The following COPS7B variants were observed in gnomAD, a reference collection of about 807,000 sequenced individuals.
The protein encoded by COPS7B is COP9 signalosome complex subunit 7b.
Under a neutral mutation model 33.4 loss-of-function variants are expected in COPS7B, and 9 were observed. The ratio of observed to expected loss-of-function variants is 0.27; its 90% CI spans 0.16 to 0.47. COPS7B has a LOEUF of 0.47. COPS7B is among the 20% of genes least tolerant of loss of function. The pLI is 0.99. For missense variants in COPS7B, 242 were observed against 318.2 expected (o/e 0.76, Z 1.82); for synonymous variants, 119 against 126.3 (o/e 0.94, Z 0.39).
At chr2:231,784,944 C>T (rs2014807), upstream of COPS7B, among the ~76,000 whole-genome samples, 1,363 of 152,314 alleles carry the variant, frequency 8.9e-3, 33 homozygotes, top group East Asian at 0.075. Flanking sequence ...TCCAGAGTAG[C>T]TGAGATTAGT....
chr2:231,782,940 G>A (rs2049163565), upstream of COPS7B, among the ~76,000 whole-genome samples: 2 of 152,144 alleles, frequency 1.3e-5, no homozygotes, highest in South Asian at 4.1e-4. Context: ...AGCACACTTA[G>A]TGCTCCCTCC....
At chr2:231,788,092 C>T (rs1261792361) in intron 1 of COPS7B, among the ~76,000 whole-genome samples, 1 of 151,910 alleles carries the variant, frequency 6.6e-6, no homozygotes, top group Non-Finnish European at 1.5e-5. Flanking sequence ...AGGTTGAACT[C>T]CACCCATCTC....
chr2:231,786,466 C>T lies in COPS7B; in HGVS notation c.-89C>T, dbSNP rs1212624125. 1.6e-5 allele frequency: 16 copies of T among 985,890 alleles called. No homozygotes were observed. The highest frequency in any genetic ancestry group is 1.8e-5 in the Non-Finnish European group (15 of 830,108). 61.1% of individuals were successfully genotyped at this position (985,890 alleles called of 1,614,324 possible). On this transcript the variant is annotated 5_prime_UTR_variant, in exon 1 of 7. In the 5' UTR this introduces an upstream ATG that the reference lacks. Coordinates refer to ENST00000350033, the MANE Select transcript of COPS7B (RefSeq NM_022730.4). ...CGCCGGACGCCGGGGTGATCATGGA[C>T]GCTTGACAACCTGCGGGCAGGCGCC...
At chr2:231,791,696 A>G in intron 2 of COPS7B, 37 bp from the exon 3 acceptor site, 1 of 1,570,368 alleles carries the variant, frequency 6.4e-7, no homozygotes, top group South Asian at 1.1e-5. Flanking sequence ...ATTGGTAGAC[A>G]GTTTGGTCTG....
intron 6 of COPS7B, among the ~76,000 whole-genome samples, chr2:231,803,673 A>G (rs2049811410): frequency 6.6e-6 from 1 of 152,170 alleles, no homozygotes; most frequent in Non-Finnish European, 1.5e-5. Context: ...TTGAGTCACC[A>G]TGAGAGAGGG....
Position 231,807,898 on chromosome 2 carries a change from A to G in COPS7B, c.*253A>G. ...CCCAAAACAGGGTCAGACACTGCCC[A>G]GCTTCCCTCCAGGAGGTTCTTGTCT... On this transcript the variant is annotated 3_prime_UTR_variant, in exon 7 of 7. Coordinates refer to ENST00000350033, the MANE Select transcript of COPS7B (RefSeq NM_022730.4). 1 of 403,008 alleles carries G rather than the reference A, an allele frequency of 2.5e-6. No homozygotes were observed. Among genetic ancestry groups the G allele is most frequent in the Non-Finnish European group, 4.5e-6 (1 of 224,450 alleles). 25.0% of individuals were successfully genotyped at this position (403,008 alleles called of 1,614,324 possible).
intron 2 of COPS7B, among the ~76,000 whole-genome samples, chr2:231,791,432 T>G (rs745963944): frequency 2.0e-5 from 3 of 152,238 alleles, no homozygotes; most frequent in Admixed American, 6.5e-5. Context: ...TTGAGAAGAT[T>G]TGAACTCCTT....
At position 231,807,547 on chromosome 2, in the gene COPS7B, C is replaced by T; in HGVS notation, c.697C>T (p.Gln233Ter). 6.2e-7 allele frequency: 1 copy of T among 1,613,334 alleles called. No individual in the cohort carries two copies. The highest frequency in any genetic ancestry group is 8.5e-7 in the Non-Finnish European group (1 of 1,179,710). The change falls in exon 7 of 7, where the codon CAG becomes TAG. Residue 233 changes from glutamine to a stop codon, truncating the protein, a stop_gained. Coordinates refer to ENST00000350033, the MANE Select transcript of COPS7B (RefSeq NM_022730.4). LOFTEE classifies it high-confidence loss of function. ...ATCCTCCTCGGCTCAGGAGATGGAGCAGCAGCTGGCTGAACGGGAGTGTCC... is the reference window on the plus strand; with the variant it reads ...ATCCTCCTCGGCTCAGGAGATGGAGTAGCAGCTGGCTGAACGGGAGTGTCC... ...TASSSAQEME[Q>*]QLAERECPPH...
chr2:231,800,141 A>G (rs190063824), intron 6 of COPS7B, among the ~76,000 whole-genome samples: 19 of 152,348 alleles, frequency 1.2e-4, no homozygotes, highest in Admixed American at 9.8e-4. Context: ...TAGCCAAGGA[A>G]GTATGAGGCT....
chr2:231,789,319 T>C (rs995419319), intron 2 of COPS7B, among the ~76,000 whole-genome samples: 33 of 152,348 alleles, frequency 2.2e-4, no homozygotes, highest in African/African-American at 7.2e-4. Flanking sequence ...GAAGATCCAT[T>C]GAACAGAAGG....
chr2:231,798,070 A>G (rs2049625924), intron 5 of COPS7B, among the ~76,000 whole-genome samples: 1 of 150,948 alleles, frequency 6.6e-6, no homozygotes, highest in Non-Finnish European at 1.5e-5. Context: ...TATTTGTAGT[A>G]GAGACGGGGT....
rs893225587 is a variant in COPS7B, at chr2:231,786,480, C to A, written c.-75C>A. On this transcript the variant is annotated 5_prime_UTR_variant, in exon 1 of 7. Transcript: ENST00000350033. ...GTGATCATGGACGCTTGACAACCTGCGGGCAGGCGCCGGGAGGCCGAGCCA... is the reference window on the plus strand; with the variant it reads ...GTGATCATGGACGCTTGACAACCTGAGGGCAGGCGCCGGGAGGCCGAGCCA... 18 of 985,932 alleles carry A rather than the reference C, an allele frequency of 1.8e-5. No individual in the cohort carries two copies. The highest frequency in any genetic ancestry group is 2.2e-5 in the Non-Finnish European group (18 of 830,072). The allele number at this position is 985,932 out of a possible 1,614,324, so 61.1% of individuals were successfully genotyped here. A position where few individuals can be genotyped will look rare whatever the true frequency, so the allele number is the denominator to read the frequency against.
chr2:231,806,178 A>G (rs1490195794), intron 6 of COPS7B, among the ~76,000 whole-genome samples: 1 of 151,980 alleles, frequency 6.6e-6, no homozygotes, highest in African/African-American at 2.4e-5. Flanking sequence ...TTGTCTTTGC[A>G]TTTGGACTGT....
chr2:231,793,254 C>CT (rs1419093687), intron 3 of COPS7B, among the ~76,000 whole-genome samples: 1 of 152,136 alleles, frequency 6.6e-6, no homozygotes, highest in Non-Finnish European at 1.5e-5. Flanking sequence ...ATGCGCATGC[C>CT]TTTTTATGTA....
intron 5 of COPS7B, among the ~76,000 whole-genome samples, chr2:231,797,289 C>T (rs1180179886): frequency 6.6e-6 from 1 of 152,166 alleles, no homozygotes; most frequent in Non-Finnish European, 1.5e-5. Flanking sequence ...ACTTTTACAC[C>T]CCAGGACATG....
upstream of COPS7B, chr2:231,786,262 CCCTCCCCGCCTGGTTCCCGGGCTG>C (rs1279149700): frequency 5.4e-6 from 1 of 185,054 alleles, no homozygotes; most frequent in Non-Finnish European, 1.0e-5. Flanking sequence ...CCTAGCCACC[CCCTCCCCGCCTGGTTCCCGGGCTG>C]CAGACTCTTC....
At position 231,808,765 on chromosome 2, in the gene COPS7B, T is replaced by G. The variant is rs1159785150; in HGVS notation, c.*1120T>G. The stretch of plus-strand genomic sequence containing the variant: ...TTGTTATAGACTAATCGCCGGGGAT[T>G]TTTCACCTGGTTGGAGGGTGGGGGT... On this transcript the variant is annotated 3_prime_UTR_variant, in exon 7 of 7. Transcript: ENST00000350033. 8.3e-6 allele frequency: 1 copy of G among 120,250 alleles called. No individual in the cohort carries two copies. Among genetic ancestry groups the G allele is most frequent in the African/African-American group, 3.4e-5 (1 of 29,528 alleles). 7.4% of individuals were successfully genotyped at this position (120,250 alleles called of 1,614,324 possible).
chr2:231,804,945 G>A (rs1370921004), intron 6 of COPS7B, among the ~76,000 whole-genome samples: 1 of 152,124 alleles, frequency 6.6e-6, no homozygotes, highest in African/African-American at 2.4e-5. Flanking sequence ...TGGATATTTA[G>A]AAAATATATC....
In COPS7B at chr2:231,792,114, C is replaced by T. The variant is rs1183368740; in HGVS notation, c.238+306C>T. ...TGGAGTGCTGTGAAGTGCAGAATAC[C>T]CACCTGTAGAATGTTTCAACATTTT... On this transcript the variant is annotated intron_variant, in intron 3 of 6. Transcript: ENST00000350033. The T allele has an allele frequency of 1.1e-5, 6 of 567,972 alleles. No homozygotes were observed. In the East Asian group the frequency reaches 2.6e-4, roughly 25 times the overall value. The allele number at this position is 567,972 out of a possible 1,614,324, so 35.2% of individuals were successfully genotyped here. A position where few individuals can be genotyped will look rare whatever the true frequency, so the allele number is the denominator to read the frequency against.
Sources: gnomAD v4.1 joint callset for allele counts (sites outside exome capture counted in the v4.1 genomes callset) on GRCh38, gnomAD v4.1.1 for gene constraint, MANE v1.5 for transcripts, NCBI Gene and HGNC (gene_info 2026-07-23, HGNC 2026-07-21) for gene names.